Variants in CLCN2 observed in about 807,000 individuals in gnomAD.
The protein encoded by CLCN2 is chloride channel protein 2.
CLCN2 carries 72 observed loss-of-function variants against 108.3 expected under a neutral mutation model. The ratio of observed to expected loss-of-function variants is 0.66; its 90% CI spans 0.55 to 0.81. The LOEUF (loss-of-function observed/expected upper bound fraction) is 0.81, where lower values mean the gene tolerates loss of function less well. CLCN2 is among the 30% of genes least tolerant of loss of function. The probability of loss-of-function intolerance (pLI) is 0.00; values close to 1 mark genes in which losing one functional copy is unlikely to be tolerated. For synonymous variants in CLCN2, 471 were observed against 467.1 expected (o/e 1.01, Z -0.11); for missense variants, 1,048 against 1,205.2 (o/e 0.87, Z 1.93).
intron 3 of CLCN2, 118 bp downstream of exon 3, chr3:184,358,564 G>T: frequency 7.2e-7 from 1 of 1,386,168 alleles, no homozygotes; most frequent in Non-Finnish European, 1.0e-6. Context: ...AGTCAGACTG[G>T]CTGGGGAAAG....
In CLCN2 at chr3:184,346,832, C is replaced by G; in HGVS notation, c.2503-32G>C. 4.3e-6 allele frequency: 7 copies of G among 1,613,614 alleles called. No homozygotes were observed. The highest frequency in any genetic ancestry group is 1.3e-5 in the African/African-American group (1 of 75,018). ...AGGTGAGAGGGACAGATGTCTGGAC[C>G]CAGATGTCAGACTCCTCCCCGCCTT... On this transcript the variant is annotated intron_variant, in intron 23 of 23. Coordinates refer to ENST00000265593, the MANE Select transcript of CLCN2 (RefSeq NM_004366.6). This position sits in a 1 kb window ranked among gnomAD's most constrained non-coding sequence, Gnocchi z 6.0.
rs73887462 is a variant in CLCN2 at position 184,359,203 on chromosome 3, C to T, written c.64-72G>A. On this transcript the variant is annotated intron_variant, in intron 1 of 23. Transcript: ENST00000265593. ...GGGAACGCAGGGAGAGTTCTTAGAG[C>T]CTCCACTCCTCTTCTCCCAGCCCCC... 9.5e-4 allele frequency: 1,458 copies of T among 1,541,928 alleles called. 10 individuals are homozygous for T. In the African/African-American group the frequency reaches 0.018, roughly 19 times the overall value.
intron 1 of CLCN2, among the ~76,000 whole-genome samples, chr3:184,359,944 C>T (rs1010943971): frequency 4.6e-5 from 6 of 131,210 alleles, no homozygotes; most frequent in African/African-American, 1.8e-4. Context: ...GGCTGCCACC[C>T]GCAGAGCTTC....
At chr3:184,359,987 G>T (rs1177198287) in intron 1 of CLCN2, among the ~76,000 whole-genome samples, 1 of 151,124 alleles carries the variant, frequency 6.6e-6, no homozygotes, top group African/African-American at 2.4e-5. Context: ...GGGCTGGGAT[G>T]GGGGGGAGGG....
At chr3:184,353,192 C>A (rs765453949) in intron 17 of CLCN2, 45 bp from the exon 18 acceptor site, 15 of 1,612,828 alleles carry the variant, frequency 9.3e-6, no homozygotes, top group Admixed American at 1.7e-5. Context: ...CCCCAGACCA[C>A]CCTCCCAATC....
intron 14 of CLCN2, 109 bp downstream of exon 14, chr3:184,354,439 T>C (rs1728373471): frequency 1.5e-6 from 2 of 1,317,258 alleles, no homozygotes; most frequent in South Asian, 2.4e-5. Flanking sequence ...GACCTGTGCA[T>C]CTGAGGGAAG....
Position 184,355,021 on chromosome 3 carries a change from A to C in CLCN2, c.1327-48T>G, listed in dbSNP as rs1012438683. On this transcript the variant is annotated intron_variant, in intron 12 of 23. Transcript: ENST00000265593. The surrounding 1 kb of genome is among the most constrained non-coding windows in gnomAD (Gnocchi z 6.3). ...AGGCGAAGAGGCTCCACCTGGCCCC[A>C]GGCAGCCCACAGCGCCACCCAGGAG... 3.2e-6 allele frequency: 5 copies of C among 1,571,480 alleles called. No homozygotes were observed. The highest frequency in any genetic ancestry group is 4.4e-6 in the Non-Finnish European group (5 of 1,142,064).
chr3:184,352,030 G>C lies in CLCN2; in HGVS notation c.2398C>G (p.Arg800Gly). 6.2e-7 allele frequency: 1 copy of C among 1,613,526 alleles called. No homozygotes were observed. Among genetic ancestry groups the C allele is most frequent in the East Asian group, 2.2e-5 (1 of 44,880 alleles). ...IDPAPFQLVE[R>G]TSLHKTHTIF... ...GGCCCTACCTTGTGCAAAGAGGTCC[G>C]CTCCACCAGCTGGAAGGGAGCAGGA... is the stretch of plus-strand genomic sequence containing the variant. The change falls in exon 22 of 24, where the codon CGG becomes GGG. Residue 800 changes from arginine (R) to glycine (G), a missense_variant. Arg to Gly is a moderately radical substitution (Grantham distance 125, BLOSUM62 -2). Coordinates refer to ENST00000265593, the MANE Select transcript of CLCN2 (RefSeq NM_004366.6).
At position 184,361,059 on chromosome 3, in the gene CLCN2, G is replaced by A. The variant is rs548611364; in HGVS notation, c.63+358C>T. 5.5e-4 allele frequency among the ~76,000 whole-genome samples: 84 copies of A among 152,358 alleles called. No individual in the cohort carries two copies. The highest frequency in any genetic ancestry group is 1.9e-3 in the South Asian group (9 of 4,830). Reference sequence around the variant, plus strand: ...TGTCTTGGGTGGTGGAGATAGTGGCGTAGAGAAAGTTCAATGGTGTGAATG... The same window carrying A: ...TGTCTTGGGTGGTGGAGATAGTGGCATAGAGAAAGTTCAATGGTGTGAATG... On this transcript the variant is annotated intron_variant, in intron 1 of 23. Coordinates refer to ENST00000265593, the MANE Select transcript of CLCN2 (RefSeq NM_004366.6). This position sits in a 1 kb window ranked among gnomAD's most constrained non-coding sequence, Gnocchi z 6.6.
intron 22 of CLCN2, among the ~76,000 whole-genome samples, chr3:184,351,535 C>T (rs558805936): frequency 2.0e-5 from 3 of 152,366 alleles, no homozygotes; most frequent in Non-Finnish European, 4.4e-5. Context: ...CCAAGCCCCC[C>T]ACTGGGTGTT....
rs1712132995 is a variant in CLCN2 at position 184,361,571 on chromosome 3, C to T, written c.-92G>A. The T allele has an allele frequency of 1.4e-6, 2 of 1,437,636 alleles. No homozygotes were observed. The highest frequency in any genetic ancestry group is 1.9e-6 in the Non-Finnish European group (2 of 1,045,302). 89.1% of individuals were successfully genotyped at this position (1,437,636 alleles called of 1,614,324 possible). A position where few individuals can be genotyped will look rare whatever the true frequency, so the allele number is the denominator to read the frequency against. Reference sequence around the variant, plus strand: ...GCAAAGTCCGCGCCGGCAGCCGTCCCGTCCCCGCAGCCCGGGAGGCCGAGA... The same window carrying T: ...GCAAAGTCCGCGCCGGCAGCCGTCCTGTCCCCGCAGCCCGGGAGGCCGAGA... On this transcript the variant is annotated 5_prime_UTR_variant, in exon 1 of 24. Coordinates refer to ENST00000265593, the MANE Select transcript of CLCN2 (RefSeq NM_004366.6). The surrounding 1 kb of genome is among the most constrained non-coding windows in gnomAD (Gnocchi z 6.6).
chr3:184,355,207 CTT>C lies in CLCN2; in HGVS notation c.1326+165_1326+166del. ...ATCGCTCTGCCCTCTAGCTGTGTGA[CTT>C]TGGGCCAGCTACTTGTGTTTCGACT... On this transcript the variant is annotated intron_variant, in intron 12 of 23. Transcript: ENST00000265593. The surrounding 1 kb of genome is among the most constrained non-coding windows in gnomAD (Gnocchi z 6.3). The C allele has an allele frequency of 1.2e-6, 1 of 858,068 alleles. No individual in the cohort carries two copies. The highest frequency in any genetic ancestry group is 2.6e-5 in the East Asian group (1 of 38,234). 53.2% of individuals were successfully genotyped at this position (858,068 alleles called of 1,614,324 possible).
At position 184,355,220 on chromosome 3, in the gene CLCN2, A is replaced by C. The variant is rs896328286; in HGVS notation, c.1326+154T>G. On this transcript the variant is annotated intron_variant, in intron 12 of 23. Coordinates refer to ENST00000265593, the MANE Select transcript of CLCN2 (RefSeq NM_004366.6). This position sits in a 1 kb window ranked among gnomAD's most constrained non-coding sequence, Gnocchi z 6.3. ...CTAGCTGTGTGACTTTGGGCCAGCT[A>C]CTTGTGTTTCGACTCCCCCATCTTT... 2.2e-6 allele frequency: 2 copies of C among 900,044 alleles called. No individual in the cohort carries two copies. The highest frequency in any genetic ancestry group is 2.0e-5 in the Admixed American group (1 of 51,114). The allele number at this position is 900,044 out of a possible 1,614,324, so 55.8% of individuals were successfully genotyped here.
chr3:184,353,800 G>A lies in CLCN2; in HGVS notation c.1722-5C>T, dbSNP rs562372270. On this transcript the variant is annotated splice_region_variant and splice_polypyrimidine_tract_variant and intron_variant, in intron 15 of 23. Transcript: ENST00000265593. ...TCCACACGCACCCGGTACTGCCTGG[G>A]GGCCGAGAGAGGCGCTTGGTTTGTG... 10 of 1,604,720 alleles carry A rather than the reference G, an allele frequency of 6.2e-6. No homozygotes were observed. In the African/African-American group the frequency reaches 8.0e-5, roughly 13 times the overall value.
intron 5 of CLCN2, 36 bp from the exon 6 acceptor site, chr3:184,357,892 C>T: frequency 6.2e-7 from 1 of 1,613,434 alleles, no homozygotes; most frequent in South Asian, 1.1e-5. Context: ...CGGGAGGGGG[C>T]CCGCCCTGAC....
In CLCN2 at chr3:184,358,022, A is replaced by G. The variant is rs141410042; in HGVS notation, c.555T>C (p.Phe185=). 41 of 1,614,040 alleles carry G rather than the reference A, an allele frequency of 2.5e-5. No homozygotes were observed. The African/African-American group carries it at 4.4e-4, about 17-fold the overall frequency. The change falls in exon 5 of 24, where the codon TTT becomes TTC. Residue 185 remains phenylalanine, a synonymous_variant. Transcript: ENST00000265593. ...VLKEYLTLKT[F]IAKVIGLTCA... Reference sequence around the variant, plus strand: ...AGGTCAGCCCAATGACCTTAGCTATAAAGGTCTTGAGTGTGAGGTATTCTT... The same window carrying G: ...AGGTCAGCCCAATGACCTTAGCTATGAAGGTCTTGAGTGTGAGGTATTCTT...
In CLCN2 at chr3:184,358,785, T is replaced by C. The variant is rs1364737172; in HGVS notation, c.249A>G (p.Leu83=). Residue 83 remains leucine, a synonymous_variant, in exon 3 of 24, where the codon CTA becomes CTG. Transcript: ENST00000265593. ...RVCSVRCHKF[L]VSRVGEDWIF... ...TCCAATCTTCACCAACCCTGGATAC[T>C]AGGAACTTGTGGCAGCGGACAGAAC... 6.2e-7 allele frequency: 1 copy of C among 1,613,136 alleles called. No individual in the cohort carries two copies. Among genetic ancestry groups the C allele is most frequent in the Non-Finnish European group, 8.5e-7 (1 of 1,179,620 alleles).
Position 184,355,618 on chromosome 3 carries a change from G to A in CLCN2, c.1170+76C>T. The A allele has an allele frequency of 1.2e-6, 2 of 1,603,452 alleles. No homozygotes were observed. Among genetic ancestry groups the A allele is most frequent in the Non-Finnish European group, 1.7e-6 (2 of 1,170,380 alleles). ...CCCACGGGGAACAAGGGGTCCCACA[G>A]TCACACTGGGGCTGTTGGCTTTGGA... is the stretch of plus-strand genomic sequence containing the variant. On this transcript the variant is annotated intron_variant, in intron 11 of 23. Transcript: ENST00000265593. This position sits in a 1 kb window ranked among gnomAD's most constrained non-coding sequence, Gnocchi z 6.3.
intron 7 of CLCN2, 23 bp downstream of exon 7, chr3:184,357,597 A>T (rs1324512791): frequency 6.2e-7 from 1 of 1,613,902 alleles, no homozygotes; most frequent in Non-Finnish European, 8.5e-7. Context: ...GTGGGGCTGG[A>T]CTGACCTAGG....
Sources: gnomAD v4.1 joint callset for allele counts (sites outside exome capture counted in the v4.1 genomes callset) on GRCh38, gnomAD v4.1.1 for gene constraint, Gnocchi (gnomAD v3.1) non-coding constraint, MANE v1.5 for transcripts, NCBI Gene and HGNC (gene_info 2026-07-23, HGNC 2026-07-21) for gene names.